SPATA13: variants seen among roughly 807,000 people sequenced by gnomAD.
SPATA13 encodes spermatogenesis-associated protein 13.
Under a neutral mutation model 104.0 loss-of-function variants are expected in SPATA13, and 50 were observed. That is an observed-to-expected ratio of 0.48 (90% CI 0.38 to 0.61). The LOEUF (loss-of-function observed/expected upper bound fraction) is 0.61. SPATA13 is among the 20% of genes least tolerant of loss of function. The pLI is 0.00. For synonymous variants in SPATA13, 606 were observed against 667.5 expected (o/e 0.91, Z 1.42); for missense variants, 1,524 against 1,690.6 (o/e 0.90, Z 1.73).
At chr13:24,042,573 C>T (rs144513838) in intron 3 of SPATA13, among the ~76,000 whole-genome samples, 1 of 152,352 alleles carries the variant, frequency 6.6e-6, no homozygotes, top group East Asian at 1.9e-4. Flanking sequence ...ACATCTATGC[C>T]CGTGCGCGAA....
intron 1 of SPATA13, among the ~76,000 whole-genome samples, chr13:24,220,148 A>T (rs1871492822): frequency 6.6e-6 from 1 of 152,178 alleles, no homozygotes; most frequent in African/African-American, 2.4e-5. Flanking sequence ...AAGTGGGTAT[A>T]TGCATAAATG....
At position 24,286,621 on chromosome 13, in the gene SPATA13, C is replaced by A; in HGVS notation, c.2482-144C>A. 1 of 853,924 alleles carries A rather than the reference C, an allele frequency of 1.2e-6. No homozygotes were observed. The highest frequency in any genetic ancestry group is 1.8e-6 in the Non-Finnish European group (1 of 563,162). 52.9% of individuals were successfully genotyped at this position (853,924 alleles called of 1,614,324 possible). On this transcript the variant is annotated intron_variant, in intron 6 of 12. Transcript: ENST00000382108. The surrounding 1 kb of genome is among the most constrained non-coding windows in gnomAD (Gnocchi z 4.9). ...CGTGCCTGCTGGCATAGCCGCAGCC[C>A]TGCTGAGGCCATGAGACTCAGGCGA...
intron 4 of SPATA13, among the ~76,000 whole-genome samples, chr13:24,260,386 G>A (rs1220585): frequency 0.031 from 4,725 of 152,286 alleles, 210 homozygotes; most frequent in East Asian, 0.12. Context: ...GGAGCTGGCA[G>A]ATCCCACAGT....
chr13:23,992,960 A>T (rs545362100), intron 2 of SPATA13, among the ~76,000 whole-genome samples: 1 of 152,350 alleles, frequency 6.6e-6, no homozygotes, highest in East Asian at 1.9e-4. Flanking sequence ...GGGAATTTCC[A>T]TCAAGCCAGC....
upstream of SPATA13, among the ~76,000 whole-genome samples, chr13:24,159,141 A>T (rs1220581): frequency 0.54 from 81,225 of 151,728 alleles, 21,972 homozygotes; most frequent in Middle Eastern, 0.61. Flanking sequence ...ATTTTTTTTT[A>T]AATAATACTA....
intron 4 of SPATA13, chr13:24,271,021 A>ACTCTCTCTCACT: frequency 8.2e-6 from 5 of 606,258 alleles, no homozygotes; most frequent in Admixed American, 7.4e-5. Flanking sequence ...ACTCTCTCTC[A>ACTCTCTCTCACT]CTCTCTCTCT....
rs369886732 is a variant in SPATA13 at position 24,099,757 on chromosome 13, G to C, written c.-112+82056G>C. Among the ~76,000 whole-genome samples, 5 of 152,236 alleles carry C rather than the reference G, an allele frequency of 3.3e-5. No individual in the cohort carries two copies. The South Asian group carries it at 8.3e-4, about 25-fold the overall frequency. ...TTCAAAAACTCCAGATTCAGGGAATGTGCAGATCACATGGTCTGGGTTTTT... is the reference window on the plus strand; with the variant it reads ...TTCAAAAACTCCAGATTCAGGGAATCTGCAGATCACATGGTCTGGGTTTTT... On this transcript the variant is annotated intron_variant, in intron 3 of 14. Coordinates refer to the SPATA13 transcript ENST00000424834.
At chr13:23,991,408 CTCTG>C (rs1875410748) in intron 2 of SPATA13, among the ~76,000 whole-genome samples, 1 of 152,174 alleles carries the variant, frequency 6.6e-6, no homozygotes, top group South Asian at 2.1e-4. Context: ...TTTTACTGCA[CTCTG>C]TCTGAAGTAA....
At position 24,088,018 on chromosome 13, in the gene SPATA13, A is replaced by G. The variant is rs1879790214; in HGVS notation, c.-112+70317A>G. ...CTTTGTCCAGCTGTATTTAGTAACA[A>G]TTTTATAATGTCTCAACAGCTGCTT... On this transcript the variant is annotated intron_variant, in intron 3 of 14. Coordinates refer to the SPATA13 transcript ENST00000424834. The surrounding 1 kb of genome is among the most constrained non-coding windows in gnomAD (Gnocchi z 4.3). Among the ~76,000 whole-genome samples the G allele has an allele frequency of 2.0e-5, 3 of 152,260 alleles. No individual in the cohort carries two copies. Among genetic ancestry groups the G allele is most frequent in the Admixed American group, 1.3e-4 (2 of 15,302 alleles).
intron 1 of SPATA13, among the ~76,000 whole-genome samples, chr13:23,983,176 A>T (rs1278130199): frequency 3.9e-5 from 6 of 152,124 alleles, no homozygotes; most frequent in Non-Finnish European, 7.4e-5. Flanking sequence ...TAAGTGACAG[A>T]CCTTGATTGT....
At chr13:23,994,476 G>A (rs1440333802) in intron 2 of SPATA13, among the ~76,000 whole-genome samples, 1 of 152,222 alleles carries the variant, frequency 6.6e-6, no homozygotes, top group African/African-American at 2.4e-5. Flanking sequence ...TAGAAGCAGA[G>A]GTGTTGGGGA....
At chr13:24,136,600 G>C (rs1881578758) in intron 3 of SPATA13, among the ~76,000 whole-genome samples, 1 of 152,204 alleles carries the variant, frequency 6.6e-6, no homozygotes. Context: ...GATGAATTCT[G>C]TATATAGACT....
chr13:24,060,949 G>A (rs1156446728), intron 3 of SPATA13, among the ~76,000 whole-genome samples: 1 of 152,170 alleles, frequency 6.6e-6, no homozygotes, highest in African/African-American at 2.4e-5. Flanking sequence ...TAAGACCGGA[G>A]AATCACTTGA....
intron 4 of SPATA13, among the ~76,000 whole-genome samples, chr13:24,259,576 C>T (rs1036339986): frequency 6.6e-6 from 1 of 152,120 alleles, no homozygotes; most frequent in Non-Finnish European, 1.5e-5. Context: ...TGTATACATC[C>T]CCTTAGAAAT....
At chr13:24,102,200 T>C (rs1273595537) in intron 3 of SPATA13, among the ~76,000 whole-genome samples, 2 of 152,176 alleles carry the variant, frequency 1.3e-5, no homozygotes, top group Admixed American at 6.5e-5. Flanking sequence ...TATTTCATTG[T>C]GGTTTTGATT....
chr13:24,137,963 C>G (rs896095657), intron 3 of SPATA13, among the ~76,000 whole-genome samples: 3 of 152,094 alleles, frequency 2.0e-5, no homozygotes, highest in Non-Finnish European at 1.5e-5. Flanking sequence ...TGAAATTTTA[C>G]TCTGCATCTT....
rs180985728 is a variant in SPATA13 at position 24,232,771 on chromosome 13, G to A, written c.1653+8189G>A. 5.3e-4 allele frequency among the ~76,000 whole-genome samples: 81 copies of A among 152,264 alleles called. 1 individual carries two copies. The highest frequency in any genetic ancestry group is 1.8e-3 in the African/African-American group (74 of 41,556). ...GCCATGCTCCCCAGGCTGGTCTCGAGCTCCTGAGCTCAAGTGGTCTGCCTG... is the reference window on the plus strand; with the variant it reads ...GCCATGCTCCCCAGGCTGGTCTCGAACTCCTGAGCTCAAGTGGTCTGCCTG... On this transcript the variant is annotated intron_variant, in intron 2 of 12. Coordinates refer to ENST00000382108, the MANE Select transcript of SPATA13 (RefSeq NM_001166271.3).
intron 3 of SPATA13, among the ~76,000 whole-genome samples, chr13:24,019,039 A>G (rs1401518150): frequency 6.6e-6 from 1 of 151,940 alleles, no homozygotes; most frequent in African/African-American, 2.4e-5. Context: ...GGGAAAGTGA[A>G]CGTGTCTAAA....
rs992519572 is a variant in SPATA13, at chr13:24,205,739, T to C, written c.-111-17080T>C. Among the ~76,000 whole-genome samples the C allele has an allele frequency of 6.6e-6, 1 of 151,878 alleles. No homozygotes were observed. The highest frequency in any genetic ancestry group is 1.9e-4 in the East Asian group (1 of 5,178). The stretch of plus-strand genomic sequence containing the variant: ...TGGTACTGGTACAAGAACAGACAAA[T>C]AGACAAATGGAACAGAATAGAGAAC... On this transcript the variant is annotated intron_variant, in intron 1 of 12. Transcript: ENST00000382108. The surrounding 1 kb of genome is among the most constrained non-coding windows in gnomAD (Gnocchi z 4.1).
Sources: allele counts gnomAD v4.1 joint callset (sites outside exome capture counted in the v4.1 genomes callset), GRCh38; gene constraint gnomAD v4.1.1; non-coding constraint Gnocchi (gnomAD v3.1); transcripts MANE v1.5; gene names NCBI Gene and HGNC (gene_info 2026-07-23, HGNC 2026-07-21).